Variants in EML1 observed in about 807,000 individuals in gnomAD.
EML1 encodes echinoderm microtubule-associated protein-like 1.
In EML1, 27 loss-of-function variants were observed where a neutral mutation model predicts 110.4. The ratio of observed to expected loss-of-function variants is 0.24; its 90% CI spans 0.18 to 0.34. The LOEUF (loss-of-function observed/expected upper bound fraction) is 0.34. EML1 is among the 10% of genes least tolerant of loss of function. The probability of loss-of-function intolerance (pLI) is 1.00; values close to 1 mark genes in which losing one functional copy is unlikely to be tolerated. For missense variants in EML1, 741 were observed against 1,030.9 expected (o/e 0.72, Z 3.85); for synonymous variants, 344 against 385.8 (o/e 0.89, Z 1.27).
chr14:99,753,196 G>GCA (rs1555386478), intron 1 of EML1, among the ~76,000 whole-genome samples: 22 of 81,910 alleles, frequency 2.7e-4, no homozygotes, highest in East Asian at 2.2e-3. Context: ...CGCACCCCCC[G>GCA]CCCCCCCGCC....
intron 3 of EML1, among the ~76,000 whole-genome samples, chr14:99,877,172 G>A (rs1328844370): frequency 6.6e-6 from 1 of 152,092 alleles, no homozygotes; most frequent in East Asian, 1.9e-4. Context: ...CAGGTTGCAG[G>A]CGGCCATCTT....
chr14:99,784,813 G>A lies in EML1; in HGVS notation c.-27+10800G>A, dbSNP rs890173602. Among the ~76,000 whole-genome samples, 8 of 152,242 alleles carry A rather than the reference G, an allele frequency of 5.3e-5. No individual in the cohort carries two copies. The highest frequency in any genetic ancestry group is 1.7e-4 in the African/African-American group (7 of 41,468). On this transcript the variant is annotated intron_variant, in intron 1 of 22. Coordinates refer to the EML1 transcript ENST00000327921. This position sits in a 1 kb window ranked among gnomAD's most constrained non-coding sequence, Gnocchi z 4.5. The stretch of plus-strand genomic sequence containing the variant: ...ATAAGCTGTAGAACTGCATCCCTGT[G>A]TGAGGCTCCCAGCCAGGGGCATGGC...
intron 17 of EML1, among the ~76,000 whole-genome samples, chr14:99,928,432 T>C (rs2060306991): frequency 2.0e-5 from 3 of 152,014 alleles, no homozygotes; most frequent in African/African-American, 7.3e-5. Flanking sequence ...TTCTTACCTA[T>C]AGCCCTTTCT....
chr14:99,910,148 T>C (rs2059922786), intron 11 of EML1, 94 bp from the exon 12 acceptor site: 1 of 917,026 alleles, frequency 1.1e-6, no homozygotes, highest in African/African-American at 1.7e-5. Flanking sequence ...CCACTGCGAA[T>C]CTAGATGTTA....
upstream of EML1, among the ~76,000 whole-genome samples, chr14:99,771,782 G>A (rs1049942496): frequency 6.6e-6 from 1 of 152,112 alleles, no homozygotes; most frequent in Admixed American, 6.6e-5. Flanking sequence ...ACCATACTTC[G>A]GCCTGGGTGA....
In EML1 at chr14:99,852,340, CA is replaced by C. The variant is rs1253010280; in HGVS notation, c.250+1306del. Among the ~76,000 whole-genome samples the C allele has an allele frequency of 5.3e-5, 8 of 152,320 alleles. No individual in the cohort carries two copies. The East Asian group carries it at 1.5e-3, about 29-fold the overall frequency. ...TTAAAAATACCTTTCATTGGCTGGG[CA>C]CAGTGGCACACGCCTGTAATCCCAG... On this transcript the variant is annotated intron_variant, in intron 2 of 21. Transcript: ENST00000262233.
chr14:99,934,284 C>A (rs541940813), intron 17 of EML1, among the ~76,000 whole-genome samples: 157 of 152,316 alleles, frequency 1.0e-3, no homozygotes, highest in African/African-American at 3.5e-3. Context: ...CATCAGCAGC[C>A]GATGACAGCC....
At chr14:99,904,282 A>G (rs1183604403) in intron 9 of EML1, among the ~76,000 whole-genome samples, 2 of 152,200 alleles carry the variant, frequency 1.3e-5, no homozygotes, top group Non-Finnish European at 2.9e-5. Context: ...ATTTCTTTAC[A>G]AGATTAATTT....
chr14:99,827,034 T>TA lies in EML1; in HGVS notation c.68-23818dup, dbSNP rs2058372585. Among the ~76,000 whole-genome samples the TA allele has an allele frequency of 6.9e-6, 1 of 144,340 alleles. No individual in the cohort carries two copies. The allele number at this position is 144,340 out of a possible 152,430, so 94.7% of individuals were successfully genotyped here. ...GTACACGTACTAAGTGCTGAATAAA[T>TA]ACAGCAGTGCTGCAGGCAGTCCCAG... On this transcript the variant is annotated intron_variant, in intron 1 of 21. Coordinates refer to ENST00000262233, the MANE Select transcript of EML1 (RefSeq NM_004434.3). The surrounding 1 kb of genome is among the most constrained non-coding windows in gnomAD (Gnocchi z 4.4).
chr14:99,923,697 AGTAGTG>A (rs2060178621), intron 17 of EML1, among the ~76,000 whole-genome samples: 2 of 152,358 alleles, frequency 1.3e-5, no homozygotes, highest in African/African-American at 2.4e-5. Context: ...TTTCAAATTG[AGTAGTG>A]TCACTGCTGC....
intron 1 of EML1, among the ~76,000 whole-genome samples, chr14:99,761,955 G>A (rs1316386534): frequency 6.6e-6 from 1 of 151,292 alleles, no homozygotes; most frequent in Non-Finnish European, 1.5e-5. Context: ...AGAACTGGGG[G>A]CAAAATGACA....
chr14:99,762,024 G>A lies in EML1; in HGVS notation c.28+24164G>A, dbSNP rs138942573. On this transcript the variant is annotated intron_variant, in intron 1 of 10. Transcript: ENST00000554479. ...ATCAGCCGGAAGGGTAACCTGATTG[G>A]AAACCAATGACAATTAGGGAAATAT... 5.5e-3 allele frequency among the ~76,000 whole-genome samples: 844 copies of A among 152,128 alleles called. 10 individuals are homozygous for A. Among genetic ancestry groups the A allele is most frequent in the African/African-American group, 0.02 (816 of 41,490 alleles).
chr14:99,756,788 G>A (rs2057260617), intron 1 of EML1, among the ~76,000 whole-genome samples: 1 of 152,090 alleles, frequency 6.6e-6, no homozygotes, highest in Admixed American at 6.5e-5. Flanking sequence ...AGTTCAGTGT[G>A]TCAGGCACCC....
chr14:99,821,486 C>G (rs2058262032), intron 1 of EML1, among the ~76,000 whole-genome samples: 1 of 152,174 alleles, frequency 6.6e-6, no homozygotes, highest in Admixed American at 6.5e-5. Context: ...GACCGTCTCT[C>G]CCTCCCTTTT....
intron 3 of EML1, among the ~76,000 whole-genome samples, chr14:99,874,654 G>A (rs2059259645): frequency 6.6e-6 from 1 of 152,068 alleles, no homozygotes; most frequent in African/African-American, 2.4e-5. Flanking sequence ...AAGAGCCCTT[G>A]GTTCTCAAAA....
intron 1 of EML1, among the ~76,000 whole-genome samples, chr14:99,810,794 A>G (rs2058062350): frequency 6.6e-6 from 1 of 152,196 alleles, no homozygotes; most frequent in African/African-American, 2.4e-5. Flanking sequence ...AACATATTAC[A>G]TGTTTCAAAA....
chr14:99,775,077 A>G (rs1442804875), intron 1 of EML1, among the ~76,000 whole-genome samples: 3 of 152,256 alleles, frequency 2.0e-5, no homozygotes, highest in Non-Finnish European at 2.9e-5. Flanking sequence ...ACTGTTATGT[A>G]ATTAGGAATG....
chr14:99,910,866 C>T (rs1444477770), intron 12 of EML1, among the ~76,000 whole-genome samples: 3 of 152,168 alleles, frequency 2.0e-5, no homozygotes, highest in South Asian at 2.1e-4. Context: ...TTTATGAGCA[C>T]TTACCCCGTG....
intron 3 of EML1, among the ~76,000 whole-genome samples, chr14:99,877,035 T>C (rs2059304386): frequency 1.3e-5 from 2 of 152,174 alleles, no homozygotes; most frequent in South Asian, 4.1e-4. Flanking sequence ...TGAGTTTGGG[T>C]TGCTGTAACA....
Sources: allele counts gnomAD v4.1 joint callset (sites outside exome capture counted in the v4.1 genomes callset), GRCh38; gene constraint gnomAD v4.1.1; non-coding constraint Gnocchi (gnomAD v3.1); transcripts MANE v1.5; gene names NCBI Gene and HGNC (gene_info 2026-07-23, HGNC 2026-07-21).